NRG3: variants seen among roughly 807,000 people sequenced by gnomAD.
NRG3 encodes neuregulin 3.
NRG3 carries 31 observed loss-of-function variants against 66.9 expected under a neutral mutation model. The observed-to-expected ratio is 0.46, with a 90% CI of 0.35 to 0.63. The LOEUF (loss-of-function observed/expected upper bound fraction) is 0.63, where lower values mean the gene tolerates loss of function less well. Among genes scored for constraint, NRG3 ranks in the 20% least tolerant of loss-of-function variants. The pLI, the probability that NRG3 is intolerant of heterozygous loss-of-function variation, is 0.00. For missense variants in NRG3, 910 were observed against 878.9 expected (o/e 1.04, Z -0.45); for synonymous variants, 393 against 359.4 (o/e 1.09, Z -1.06).
intron 2 of NRG3, among the ~76,000 whole-genome samples, chr10:82,684,197 C>T (rs2054329164): frequency 6.6e-6 from 1 of 152,122 alleles, no homozygotes; most frequent in East Asian, 1.9e-4. Flanking sequence ...CATCCCATTC[C>T]CTCAGGGATA....
At chr10:82,356,607 A>G (rs2083800566) in intron 1 of NRG3, among the ~76,000 whole-genome samples, 1 of 152,186 alleles carries the variant, frequency 6.6e-6, no homozygotes, top group South Asian at 2.1e-4. Context: ...ATTTTGTGCC[A>G]AAGTATTAAC....
chr10:82,817,476 T>C (rs890167170), intron 3 of NRG3, among the ~76,000 whole-genome samples: 3 of 152,178 alleles, frequency 2.0e-5, no homozygotes, highest in African/African-American at 7.2e-5. Flanking sequence ...CAGGCACTTG[T>C]GCTTGTTGGT....
intron 2 of NRG3, among the ~76,000 whole-genome samples, chr10:82,735,665 C>T (rs2058118383): frequency 2.0e-5 from 3 of 152,106 alleles, no homozygotes; most frequent in African/African-American, 4.8e-5. Flanking sequence ...AAACAGAAAA[C>T]CAAACACCAC....
intron 3 of NRG3, among the ~76,000 whole-genome samples, chr10:82,758,632 C>G (rs1324181265): frequency 1.3e-5 from 2 of 151,958 alleles, no homozygotes; most frequent in African/African-American, 4.8e-5. Context: ...CTATAGATTG[C>G]CTACCCCTCA....
chr10:82,120,800 A>G (rs2068038588), intron 1 of NRG3, among the ~76,000 whole-genome samples: 1 of 152,078 alleles, frequency 6.6e-6, no homozygotes, highest in Admixed American at 6.6e-5. Flanking sequence ...TCAGTTGCCA[A>G]GAGCTGGAGA....
chr10:81,962,626 C>G (rs1314966930), intron 1 of NRG3, among the ~76,000 whole-genome samples: 1 of 152,196 alleles, frequency 6.6e-6, no homozygotes, highest in African/African-American at 2.4e-5. Flanking sequence ...CCAAAACTTA[C>G]TAAACAACTA....
chr10:82,372,504 A>T (rs1240648286), intron 2 of NRG3, among the ~76,000 whole-genome samples: 2 of 152,260 alleles, frequency 1.3e-5, no homozygotes, highest in African/African-American at 4.8e-5. Flanking sequence ...TAAATTCAAA[A>T]TTAATGTATA....
At chr10:81,891,795 T>G (rs1843031164) in intron 1 of NRG3, among the ~76,000 whole-genome samples, 1 of 152,156 alleles carries the variant, frequency 6.6e-6, no homozygotes, top group African/African-American at 2.4e-5. Context: ...AACTACTTGA[T>G]CTCTAGAATT....
intron 1 of NRG3, among the ~76,000 whole-genome samples, chr10:81,946,489 A>C (rs933735284): frequency 1.3e-5 from 2 of 152,140 alleles, no homozygotes; most frequent in East Asian, 3.8e-4. Flanking sequence ...ATTGCCCCGG[A>C]AGGCTCTTGG....
chr10:82,234,407 C>T (rs1446908354), intron 1 of NRG3, among the ~76,000 whole-genome samples: 3 of 152,194 alleles, frequency 2.0e-5, no homozygotes, highest in Non-Finnish European at 4.4e-5. Context: ...CAGCTGATCA[C>T]AGTTGCGATT....
intron 2 of NRG3, among the ~76,000 whole-genome samples, chr10:82,622,834 A>G (rs953807896): frequency 1.9e-4 from 29 of 152,346 alleles, no homozygotes; most frequent in African/African-American, 6.7e-4. Context: ...CAAGCTTCGC[A>G]TTAGATGATT....
At chr10:82,292,915 G>T (rs981600773) in intron 1 of NRG3, among the ~76,000 whole-genome samples, 11 of 152,186 alleles carry the variant, frequency 7.2e-5, no homozygotes, top group African/African-American at 2.7e-4. Context: ...CATCTTGAGG[G>T]TGTCAATGTC....
intron 2 of NRG3, among the ~76,000 whole-genome samples, chr10:82,701,731 A>C (rs1481613666): frequency 6.6e-6 from 1 of 152,140 alleles, no homozygotes; most frequent in Non-Finnish European, 1.5e-5. Context: ...TGCTTTTCTA[A>C]GTGCTTTAAA....
chr10:81,989,555 TTGTC>T (rs1017407564), intron 1 of NRG3, among the ~76,000 whole-genome samples: 13 of 152,278 alleles, frequency 8.5e-5, no homozygotes, highest in African/African-American at 2.4e-4. Context: ...TAAAAAATAT[TTGTC>T]TGTTTTCTCC....
At chr10:82,558,364 A>AT (rs1467184169) in intron 2 of NRG3, among the ~76,000 whole-genome samples, 2 of 152,074 alleles carry the variant, frequency 1.3e-5, no homozygotes, top group African/African-American at 2.4e-5. Flanking sequence ...CTCAGCTAAG[A>AT]TTTTTTTGTA....
chr10:82,973,743 A>G, intron 6 of NRG3, 45 bp from the exon 7 acceptor site: 8 of 1,611,712 alleles, frequency 5.0e-6, no homozygotes, highest in South Asian at 3.3e-5. Context: ...TAGGCCCTCC[A>G]TAATGTATCC....
intron 4 of NRG3, among the ~76,000 whole-genome samples, chr10:82,866,642 A>G (rs963694339): frequency 6.6e-6 from 1 of 152,166 alleles, no homozygotes; most frequent in African/African-American, 2.4e-5. Context: ...ATTCAAATGA[A>G]GCGCGATGGA....
At chr10:82,414,207 T>C (rs2088350302) in intron 2 of NRG3, among the ~76,000 whole-genome samples, 1 of 152,136 alleles carries the variant, frequency 6.6e-6, no homozygotes, top group Non-Finnish European at 1.5e-5. Context: ...TCCTTTTGCT[T>C]GCTCACACAG....
intron 2 of NRG3, among the ~76,000 whole-genome samples, chr10:82,679,026 T>A (rs1565195016): frequency 6.6e-6 from 1 of 152,228 alleles, no homozygotes; most frequent in African/African-American, 2.4e-5. Flanking sequence ...TTTTTATGCT[T>A]TGTTTTGTGA....
Sources: gnomAD v4.1 joint callset for allele counts (sites outside exome capture counted in the v4.1 genomes callset) on GRCh38, gnomAD v4.1.1 for gene constraint, MANE v1.5 for transcripts, NCBI Gene and HGNC (gene_info 2026-07-23, HGNC 2026-07-21) for gene names.